The following PALLD variants were observed in gnomAD, a reference collection of about 807,000 sequenced individuals.
The protein encoded by PALLD is palladin.
In PALLD, 61 loss-of-function variants were observed where a neutral mutation model predicts 123.5. That is an observed-to-expected ratio of 0.49 (90% confidence interval 0.40 to 0.61). The LOEUF is 0.61. Ranked by LOEUF, PALLD falls within the 20% of genes least tolerant of loss-of-function variation. The probability of loss-of-function intolerance (pLI) is 0.00; values close to 1 mark genes in which losing one functional copy is unlikely to be tolerated. For missense variants in PALLD, 1,273 were observed against 1,377.0 expected, an observed-to-expected ratio of 0.92 and a Z score of 1.20; for synonymous variants, 465 against 496.4, an observed-to-expected ratio of 0.94 and a Z score of 0.84.
chr4:168,717,823 G>C (rs1484480614), intron 10 of PALLD, among the ~76,000 whole-genome samples: 1 of 152,170 alleles, frequency 6.6e-6, no homozygotes, highest in Non-Finnish European at 1.5e-5. Flanking sequence ...AGAAAAGTTT[G>C]TCCAAGTTAC....
At chr4:168,576,927 A>C (rs1004635890) in intron 2 of PALLD, among the ~76,000 whole-genome samples, 2 of 152,040 alleles carry the variant, frequency 1.3e-5, no homozygotes, top group African/African-American at 4.8e-5. Flanking sequence ...GTCAGGAAAA[A>C]ACAGGTGCTG....
intron 10 of PALLD, among the ~76,000 whole-genome samples, chr4:168,735,902 C>T (rs1787699671): frequency 6.6e-6 from 1 of 152,160 alleles, no homozygotes; most frequent in South Asian, 2.1e-4. Context: ...CTTTCATTGC[C>T]ACTCTGTGAA....
chr4:168,630,619 T>C (rs1308721283), intron 2 of PALLD, among the ~76,000 whole-genome samples: 3 of 152,202 alleles, frequency 2.0e-5, no homozygotes, highest in Admixed American at 2.0e-4. Context: ...TTTGATATGG[T>C]TTCTAATTCA....
rs138079880 is a variant in PALLD at position 168,766,769 on chromosome 4, G to A, written c.1964+54846G>A. Among the ~76,000 whole-genome samples the A allele has an allele frequency of 1.4e-3, 212 of 152,318 alleles. 3 individuals are homozygous for A. The highest frequency in any genetic ancestry group is 4.3e-4 in the Non-Finnish European group (29 of 68,024). ...TATCAACTATGAAGCTGTTGGATATGATCTCAGTCATTCTAGCAATAACAT... is the reference window on the plus strand; with the variant it reads ...TATCAACTATGAAGCTGTTGGATATAATCTCAGTCATTCTAGCAATAACAT... On this transcript the variant is annotated intron_variant, in intron 10 of 21. Coordinates refer to ENST00000505667, the MANE Select transcript of PALLD (RefSeq NM_001166108.2).
At chr4:168,710,491 T>G (rs572892027) in intron 9 of PALLD, among the ~76,000 whole-genome samples, 2 of 152,316 alleles carry the variant, frequency 1.3e-5, no homozygotes, top group South Asian at 4.1e-4. Context: ...TGAATTGTAC[T>G]TGGATTCCTT....
intron 10 of PALLD, among the ~76,000 whole-genome samples, chr4:168,859,696 T>C (rs1030165934): frequency 6.6e-6 from 1 of 152,114 alleles, no homozygotes; most frequent in Non-Finnish European, 1.5e-5. Context: ...GAACCTCTAG[T>C]AGGACAAACA....
intron 17 of PALLD, among the ~76,000 whole-genome samples, chr4:168,916,430 CT>C (rs1301405155): frequency 4.0e-5 from 6 of 151,808 alleles, no homozygotes; most frequent in African/African-American, 1.5e-4. Flanking sequence ...ATGATTCTAG[CT>C]TAAGGGGGGG....
chr4:168,699,727 T>C (rs1056348319), intron 8 of PALLD, among the ~76,000 whole-genome samples: 3 of 152,122 alleles, frequency 2.0e-5, no homozygotes, highest in African/African-American at 4.8e-5. Context: ...CTGGGAGATA[T>C]TGCTGTGATT....
intron 2 of PALLD, among the ~76,000 whole-genome samples, chr4:168,639,914 A>G (rs146829091): frequency 3.9e-4 from 60 of 152,310 alleles, no homozygotes; most frequent in African/African-American, 1.3e-3. Flanking sequence ...TTTAGGTTCA[A>G]TAATACCAGA....
chr4:168,858,879 C>T (rs1301301619), intron 10 of PALLD, among the ~76,000 whole-genome samples: 5 of 152,236 alleles, frequency 3.3e-5, no homozygotes, highest in South Asian at 2.1e-4. Context: ...TTAAGAGTCC[C>T]GTTCTGCCCA....
At chr4:168,641,261 T>G (rs1776922711) in intron 2 of PALLD, among the ~76,000 whole-genome samples, 1 of 151,722 alleles carries the variant, frequency 6.6e-6, no homozygotes, top group Non-Finnish European at 1.5e-5. Context: ...GACATACTGA[T>G]TGCTTAAGTC....
At chr4:168,608,074 A>G (rs1580551334) in intron 2 of PALLD, among the ~76,000 whole-genome samples, 1 of 152,218 alleles carries the variant, frequency 6.6e-6, no homozygotes, top group Non-Finnish European at 1.5e-5. Flanking sequence ...CGTTTTTACA[A>G]TTCCAAAGAA....
chr4:168,862,016 A>C (rs1200636540), intron 10 of PALLD, among the ~76,000 whole-genome samples: 3 of 152,174 alleles, frequency 2.0e-5, no homozygotes, highest in African/African-American at 4.8e-5. Flanking sequence ...TGAGGTTGGA[A>C]ATCCAATAGG....
At chr4:168,761,658 T>TGTTTG (rs750820984) in intron 10 of PALLD, among the ~76,000 whole-genome samples, 50 of 43,114 alleles carry the variant, frequency 1.2e-3, no homozygotes, top group Non-Finnish European at 1.7e-3. Context: ...TTTTTTTTTT[T>TGTTTG]TTTTTTTTTT....
At chr4:168,836,141 T>A (rs1030061755) in intron 10 of PALLD, among the ~76,000 whole-genome samples, 1 of 152,164 alleles carries the variant, frequency 6.6e-6, no homozygotes, top group Non-Finnish European at 1.5e-5. Flanking sequence ...CCTTGTGTAT[T>A]TTGGATAATG....
chr4:168,757,602 TC>T (rs1732067155), intron 10 of PALLD, among the ~76,000 whole-genome samples: 1 of 152,224 alleles, frequency 6.6e-6, no homozygotes, highest in Non-Finnish European at 1.5e-5. Context: ...TCAGGACAGT[TC>T]CATGTCCATC....
chr4:168,894,452 C>G (rs1754686816), intron 11 of PALLD, 127 bp from the exon 12 acceptor site: 1 of 709,532 alleles, frequency 1.4e-6, no homozygotes, highest in Non-Finnish European at 2.5e-6. Context: ...ATGCAGGTAT[C>G]TGAAGCTGGA....
At chr4:168,620,668 A>C (rs903508956) in intron 2 of PALLD, among the ~76,000 whole-genome samples, 6 of 152,206 alleles carry the variant, frequency 3.9e-5, no homozygotes, top group Admixed American at 3.9e-4. Context: ...ATGGCACCCT[A>C]GTCTGTGCGG....
chr4:168,801,493 T>A (rs1739318653), intron 10 of PALLD, among the ~76,000 whole-genome samples: 3 of 152,196 alleles, frequency 2.0e-5, no homozygotes, highest in Admixed American at 2.0e-4. Context: ...TTAGCCAGGA[T>A]GGGCTCGATC....
Sources: gnomAD v4.1 joint callset for allele counts (sites outside exome capture counted in the v4.1 genomes callset) on GRCh38, gnomAD v4.1.1 for gene constraint, MANE v1.5 for transcripts, NCBI Gene and HGNC (gene_info 2026-07-23, HGNC 2026-07-21) for gene names.